MEMO1: variants seen among roughly 807,000 people sequenced by gnomAD.
The protein encoded by MEMO1 is protein MEMO1.
In MEMO1, 6 loss-of-function variants were observed where a neutral mutation model predicts 45.2. That is an observed-to-expected ratio of 0.13 (90% CI 0.07 to 0.26). The LOEUF is 0.26. MEMO1 is among the 10% of genes least tolerant of loss of function. The probability of loss-of-function intolerance (pLI) is 1.00; values close to 1 mark genes in which losing one functional copy is unlikely to be tolerated. For missense variants in MEMO1, 184 were observed against 370.5 expected (o/e 0.50, Z 4.13); for synonymous variants, 78 against 124.3 (o/e 0.63, Z 2.48).
chr2:31,980,718 C>T (rs1281534373), intron 2 of MEMO1, among the ~76,000 whole-genome samples: 3 of 152,090 alleles, frequency 2.0e-5, no homozygotes, highest in Non-Finnish European at 4.4e-5. Context: ...AACGTCACGG[C>T]GTTTGGGATT....
intron 3 of MEMO1, among the ~76,000 whole-genome samples, chr2:31,936,152 C>T (rs376170063): frequency 1.3e-4 from 19 of 151,944 alleles, no homozygotes; most frequent in Middle Eastern, 3.4e-3. Flanking sequence ...TTAGTAGAGA[C>T]GGGGTTTCAC....
At chr2:31,872,728 C>A (rs989976758) in intron 8 of MEMO1, among the ~76,000 whole-genome samples, 2 of 152,006 alleles carry the variant, frequency 1.3e-5, no homozygotes, top group Admixed American at 6.6e-5. Context: ...AATTTTAATT[C>A]TTTAAAGTGG....
At chr2:31,868,558 C>T (rs551314317) in intron 9 of MEMO1, 66 bp from the exon 10 acceptor site, 22 of 1,438,858 alleles carry the variant, frequency 1.5e-5, no homozygotes, top group African/African-American at 5.9e-5. Context: ...AATGTGTTTG[C>T]GGTTTGACTT....
rs146461096 is a variant in MEMO1, at chr2:31,951,330, A to G, written c.62-7947T>C. Among the ~76,000 whole-genome samples, 279 of 152,288 alleles carry G rather than the reference A, an allele frequency of 1.8e-3. 2 individuals are homozygous for G. The highest frequency in any genetic ancestry group is 6.5e-3 in the African/African-American group (270 of 41,560). On this transcript the variant is annotated intron_variant, in intron 2 of 9. Coordinates refer to ENST00000404530, the MANE Select transcript of MEMO1 (RefSeq NM_001301833.4). ...GAAATGAAAAAGTGTGGGAAAACAT[A>G]CATATTAAAATTCATGAAATATACT... is the stretch of plus-strand genomic sequence containing the variant.
chr2:31,896,652 C>T (rs1677862019), intron 6 of MEMO1, among the ~76,000 whole-genome samples: 1 of 151,878 alleles, frequency 6.6e-6, no homozygotes, highest in Non-Finnish European at 1.5e-5. Context: ...AGAATCTATA[C>T]AAGAAAAAAA....
intron 2 of MEMO1, among the ~76,000 whole-genome samples, chr2:31,994,986 AAGGGAGGGAGGG>A (rs934772480): frequency 1.4e-5 from 2 of 142,428 alleles, no homozygotes; most frequent in Non-Finnish European, 3.1e-5. Context: ...GGAAGGGAGG[AAGGGAGGGAGGG>A]AGAGAGGGAG....
chr2:31,952,404 G>A (rs1019182246), intron 2 of MEMO1, among the ~76,000 whole-genome samples: 21 of 152,086 alleles, frequency 1.4e-4, no homozygotes, highest in African/African-American at 2.7e-4. Flanking sequence ...TTTTCTGTCC[G>A]TTCATATATA....
intron 2 of MEMO1, among the ~76,000 whole-genome samples, chr2:31,981,432 T>C (rs1251067162): frequency 6.6e-6 from 1 of 152,184 alleles, no homozygotes; most frequent in Non-Finnish European, 1.5e-5. Flanking sequence ...CAATATATTA[T>C]CTGACTTGTG....
At chr2:31,920,962 C>A (rs758918402) in intron 4 of MEMO1, 52 bp from the exon 5 acceptor site, 2 of 1,200,014 alleles carry the variant, frequency 1.7e-6, no homozygotes, top group Admixed American at 2.1e-5. Context: ...CTACACAAAC[C>A]TTATTAAATA....
intron 8 of MEMO1, among the ~76,000 whole-genome samples, chr2:31,882,901 G>A (rs1308428372): frequency 6.6e-6 from 1 of 151,992 alleles, no homozygotes; most frequent in Non-Finnish European, 1.5e-5. Context: ...CTTAAGAACA[G>A]TAATTTGGTC....
chr2:31,954,737 G>A (rs939469769), intron 2 of MEMO1, among the ~76,000 whole-genome samples: 1 of 151,936 alleles, frequency 6.6e-6, no homozygotes, highest in Admixed American at 6.6e-5. Flanking sequence ...GGGAGGCTGA[G>A]AGAGGAGAAT....
intron 2 of MEMO1, among the ~76,000 whole-genome samples, chr2:31,954,978 T>C (rs978363335): frequency 6.6e-6 from 1 of 151,962 alleles, no homozygotes; most frequent in Non-Finnish European, 1.5e-5. Context: ...CAGTGGCTCA[T>C]GCATGTAATC....
chr2:31,886,513 T>G (rs2147961035), intron 7 of MEMO1, among the ~76,000 whole-genome samples: 1 of 152,248 alleles, frequency 6.6e-6, no homozygotes, highest in Non-Finnish European at 1.5e-5. Context: ...TGTCTCAAAA[T>G]TTTATTTAAT....
At chr2:31,925,340 G>A (rs780091106) in intron 4 of MEMO1, among the ~76,000 whole-genome samples, 30 of 152,004 alleles carry the variant, frequency 2.0e-4, no homozygotes, top group Non-Finnish European at 3.4e-4. Flanking sequence ...GCCAGGCGTG[G>A]TGGCACACGC....
chr2:31,905,838 G>C (rs563145728), intron 6 of MEMO1, among the ~76,000 whole-genome samples: 88 of 152,208 alleles, frequency 5.8e-4, no homozygotes, highest in African/African-American at 2.0e-3. Context: ...TGTTCAGTTT[G>C]TTACCCCACC....
chr2:32,009,704 GAGGAA>G (rs1481460611), intron 2 of MEMO1, among the ~76,000 whole-genome samples: 1 of 152,174 alleles, frequency 6.6e-6, no homozygotes, highest in African/African-American at 2.4e-5. Flanking sequence ...GAAGACGGGA[GAGGAA>G]AGGAAAGGGT....
chr2:32,009,725 G>C (rs992542701), intron 2 of MEMO1, among the ~76,000 whole-genome samples: 1 of 152,144 alleles, frequency 6.6e-6, no homozygotes, highest in African/African-American at 2.4e-5. Flanking sequence ...AGGGTCCCTG[G>C]CTCGGCAAGA....
intron 2 of MEMO1, among the ~76,000 whole-genome samples, chr2:31,994,927 G>T (rs1225983594): frequency 6.6e-6 from 1 of 151,466 alleles, no homozygotes; most frequent in Non-Finnish European, 1.5e-5. Flanking sequence ...GTGCCTTGCG[G>T]TGGGGGTGGA....
In MEMO1 at chr2:31,909,686, C is replaced by G. The variant is rs186204511; in HGVS notation, c.437+8240G>C. Among the ~76,000 whole-genome samples, 1,253 of 152,218 alleles carry G rather than the reference C, an allele frequency of 8.2e-3. 11 individuals are homozygous for G. Among genetic ancestry groups the G allele is most frequent in the Non-Finnish European group, 0.014 (955 of 67,992 alleles). Reference sequence around the variant, plus strand: ...AATATTGTTTAAATGTCCATACTACCCAACACAATTTAAATATTTAATGAA... The same window carrying G: ...AATATTGTTTAAATGTCCATACTACGCAACACAATTTAAATATTTAATGAA... On this transcript the variant is annotated intron_variant, in intron 6 of 9. Coordinates refer to ENST00000404530, the MANE Select transcript of MEMO1 (RefSeq NM_001301833.4).
Sources: allele counts gnomAD v4.1 joint callset (sites outside exome capture counted in the v4.1 genomes callset), GRCh38; gene constraint gnomAD v4.1.1; transcripts MANE v1.5; gene names NCBI Gene and HGNC (gene_info 2026-07-23, HGNC 2026-07-21).